SRPK1: variants seen among roughly 807,000 people sequenced by gnomAD.
The protein encoded by SRPK1 is SFRS protein kinase 1.
In SRPK1, 52 loss-of-function variants were observed where a neutral mutation model predicts 89.5. The ratio of observed to expected loss-of-function variants is 0.58; its 90% CI spans 0.46 to 0.73. The LOEUF is 0.73. SRPK1 is among the 30% of genes least tolerant of loss of function. The pLI, the probability that SRPK1 is intolerant of heterozygous loss-of-function variation, is 0.00. For synonymous variants in SRPK1, 255 were observed against 270.2 expected, an observed-to-expected ratio of 0.94 and a Z score of 0.55; for missense variants, 603 against 780.6, an observed-to-expected ratio of 0.77 and a Z score of 2.71.
chr6:35,870,171 A>T (rs1769999579), intron 10 of SRPK1, 110 bp downstream of exon 10: 1 of 978,874 alleles, frequency 1.0e-6, no homozygotes, highest in East Asian at 2.6e-5. Flanking sequence ...TATTCTTATA[A>T]AGATACCCCC....
At chr6:35,849,838 T>G (rs1305552317) in intron 13 of SRPK1, among the ~76,000 whole-genome samples, 1 of 152,194 alleles carries the variant, frequency 6.6e-6, no homozygotes, top group Non-Finnish European at 1.5e-5. Context: ...TTAGGGATAT[T>G]CAACTTGTAT....
At chr6:35,908,568 T>C (rs1314720161) in intron 2 of SRPK1, among the ~76,000 whole-genome samples, 1 of 152,220 alleles carries the variant, frequency 6.6e-6, no homozygotes, top group Non-Finnish European at 1.5e-5. Flanking sequence ...TCTGAAAGCA[T>C]TCAGTTTTAT....
chr6:35,846,195 C>A (rs1401385964), intron 13 of SRPK1, among the ~76,000 whole-genome samples: 2 of 151,484 alleles, frequency 1.3e-5, no homozygotes, highest in African/African-American at 4.9e-5. Flanking sequence ...GAGGCCAAGA[C>A]GGGAGGATTG....
At chr6:35,870,009 A>C in intron 10 of SRPK1, 108 bp from the exon 11 acceptor site, 1 of 1,279,386 alleles carries the variant, frequency 7.8e-7, no homozygotes, top group Non-Finnish European at 1.1e-6. Context: ...ACTGAGTGAC[A>C]TAAAAACATG....
Position 35,868,972 on chromosome 6 carries a change from A to G in SRPK1, c.1512+38T>C, listed in dbSNP as rs758840206. 7 of 1,528,568 alleles carry G rather than the reference A, an allele frequency of 4.6e-6. No homozygotes were observed. The African/African-American group carries it at 9.6e-5, about 21-fold the overall frequency. 94.7% of individuals were successfully genotyped at this position (1,528,568 alleles called of 1,614,324 possible). ...AGTCCAAATTCTCATTCATCCTCCC[A>G]GTCACTTCAAAACACCATTAAGGCA... On this transcript the variant is annotated intron_variant, in intron 12 of 15. Coordinates refer to ENST00000373825, the MANE Select transcript of SRPK1 (RefSeq NM_003137.5).
chr6:35,836,436 T>C (rs1769181670), intron 15 of SRPK1, among the ~76,000 whole-genome samples: 1 of 152,118 alleles, frequency 6.6e-6, no homozygotes, highest in African/African-American at 2.4e-5. Flanking sequence ...CAATTATTAA[T>C]AGCTAAGGCA....
intron 13 of SRPK1, among the ~76,000 whole-genome samples, chr6:35,849,332 A>C (rs375977036): frequency 6.6e-6 from 1 of 152,324 alleles, no homozygotes. Flanking sequence ...CACAAAGACG[A>C]AATATTTAGT....
chr6:35,838,364 AT>A lies in SRPK1; in HGVS notation c.1755del (p.Lys585AsnfsTer13). ...TTTTTGGTGAAAAATTCCTTGGAAT[AT>A]TTTCCTGCCACAATGAGCTTGCGAG... ...KVPRKLIVAG[K>X]YSKEFFTKKG... is the part of the protein sequence containing the mutation. On this transcript the variant is annotated frameshift_variant, in exon 15 of 16. Coordinates refer to ENST00000373825, the MANE Select transcript of SRPK1 (RefSeq NM_003137.5). LOFTEE classifies it high-confidence loss of function. 1 of 1,575,274 alleles carries A rather than the reference AT, an allele frequency of 6.3e-7. No homozygotes were observed. Among genetic ancestry groups the A allele is most frequent in the Admixed American group, 2.1e-5 (1 of 47,158 alleles).
At position 35,835,978 on chromosome 6, in the gene SRPK1, C is replaced by A. The variant is rs529196563; in HGVS notation, c.1784-490G>T. On this transcript the variant is annotated intron_variant, in intron 15 of 15. Coordinates refer to ENST00000373825, the MANE Select transcript of SRPK1 (RefSeq NM_003137.5). The stretch of plus-strand genomic sequence containing the variant: ...GCATGGATAAAAGCAACAAAAAAAA[C>A]CCCAAATCCTACACAGTTTTCAGAT... 1.3e-4 allele frequency among the ~76,000 whole-genome samples: 20 copies of A among 152,102 alleles called. No individual in the cohort carries two copies. The South Asian group carries it at 3.3e-3, about 25-fold the overall frequency.
chr6:35,881,524 A>C (rs1013859600), intron 6 of SRPK1, among the ~76,000 whole-genome samples: 1 of 152,282 alleles, frequency 6.6e-6, no homozygotes, highest in African/African-American at 2.4e-5. Flanking sequence ...TTAGATCCAA[A>C]GACACAAACA....
chr6:35,913,914 G>A (rs1459227289), intron 2 of SRPK1, among the ~76,000 whole-genome samples: 1 of 150,404 alleles, frequency 6.6e-6, no homozygotes, highest in Non-Finnish European at 1.5e-5. Flanking sequence ...GACATCTGAA[G>A]GACCTATAAC....
At chr6:35,891,430 T>C (rs1581589688) in intron 2 of SRPK1, among the ~76,000 whole-genome samples, 3 of 152,288 alleles carry the variant, frequency 2.0e-5, no homozygotes, top group East Asian at 1.9e-4. Context: ...AATCTTAACA[T>C]GGAGGCCAGG....
At chr6:35,891,840 AGTT>A (rs1770525133) in intron 2 of SRPK1, among the ~76,000 whole-genome samples, 1 of 152,114 alleles carries the variant, frequency 6.6e-6, no homozygotes, top group Admixed American at 6.6e-5. Flanking sequence ...CTAAAAATAT[AGTT>A]GTTGAATACT....
chr6:35,838,380 G>A lies in SRPK1; in HGVS notation c.1740C>T (p.Leu580=). The part of the protein sequence containing the change: ...IELLGKVPRK[L]IVAGKYSKEF... ...CCTTGGAATATTTTCCTGCCACAAT[G>A]AGCTTGCGAGGCACCTTCCCCAGAA... is the stretch of plus-strand genomic sequence containing the variant. Residue 580 remains leucine (L), a synonymous_variant, in exon 15 of 16, where the codon CTC becomes CTT. Coordinates refer to ENST00000373825, the MANE Select transcript of SRPK1 (RefSeq NM_003137.5). The A allele has an allele frequency of 6.3e-7, 1 of 1,580,880 alleles. No individual in the cohort carries two copies. The highest frequency in any genetic ancestry group is 1.2e-5 in the South Asian group (1 of 83,746).
intron 13 of SRPK1, among the ~76,000 whole-genome samples, chr6:35,846,948 A>G (rs1248184073): frequency 1.3e-5 from 2 of 152,234 alleles, no homozygotes; most frequent in African/African-American, 2.4e-5. Flanking sequence ...GACAAAATTC[A>G]GCATCCTTTC....
intron 8 of SRPK1, 100 bp from the exon 9 acceptor site, chr6:35,871,059 A>C (rs1770025986): frequency 2.2e-6 from 2 of 929,988 alleles, no homozygotes; most frequent in Non-Finnish European, 3.3e-6. Flanking sequence ...AGTCTTTCTT[A>C]TGTAGTCTAC....
intron 2 of SRPK1, among the ~76,000 whole-genome samples, chr6:35,915,981 A>AC (rs1771085814): frequency 1.0e-5 from 1 of 96,558 alleles, no homozygotes; most frequent in Non-Finnish European, 1.9e-5. Context: ...CAAAAACAAA[A>AC]AAAAAAAAAA....
At chr6:35,840,166 T>A (rs1193872554) in intron 14 of SRPK1, among the ~76,000 whole-genome samples, 1 of 152,202 alleles carries the variant, frequency 6.6e-6, no homozygotes, top group Admixed American at 6.5e-5. Flanking sequence ...AGTTACAGAA[T>A]CATTAAGGTT....
chr6:35,863,741 G>A (rs2127239959), intron 12 of SRPK1, among the ~76,000 whole-genome samples: 1 of 152,150 alleles, frequency 6.6e-6, no homozygotes, highest in South Asian at 2.1e-4. Flanking sequence ...AAATCTTAAA[G>A]AAGAGAGAAA....
Sources: allele counts gnomAD v4.1 joint callset (sites outside exome capture counted in the v4.1 genomes callset), GRCh38; gene constraint gnomAD v4.1.1; transcripts MANE v1.5; gene names NCBI Gene and HGNC (gene_info 2026-07-23, HGNC 2026-07-21).